SCFD2: variants seen among roughly 807,000 people sequenced by gnomAD.
SCFD2 encodes the protein sec1 family domain containing 2.
Under a neutral mutation model 58.9 loss-of-function variants are expected in SCFD2, and 54 were observed. The observed-to-expected ratio is 0.92, with a 90% CI of 0.74 to 1.15. SCFD2 has a LOEUF of 1.15. Among genes scored for constraint, SCFD2 ranks in the 50% most tolerant of loss-of-function variants. The pLI is 0.00. For missense variants in SCFD2, 805 were observed against 836.6 expected, an observed-to-expected ratio of 0.96 and a Z score of 0.47; for synonymous variants, 321 against 335.9, an observed-to-expected ratio of 0.96 and a Z score of 0.49.
intron 5 of SCFD2, among the ~76,000 whole-genome samples, chr4:53,025,246 C>T (rs1285405075): frequency 6.6e-6 from 1 of 152,116 alleles, no homozygotes; most frequent in East Asian, 1.9e-4. Flanking sequence ...CACACTTATA[C>T]AAATAAAAAT....
chr4:52,886,035 T>C (rs759116933), intron 7 of SCFD2, among the ~76,000 whole-genome samples, 169 bp from the exon 8 acceptor site: 4 of 152,130 alleles, frequency 2.6e-5, no homozygotes, highest in Non-Finnish European at 2.9e-5. Context: ...TGAAACCTGA[T>C]GACAGTTTAA....
intron 5 of SCFD2, among the ~76,000 whole-genome samples, chr4:53,006,396 A>G (rs1721971914): frequency 6.6e-6 from 1 of 152,250 alleles, no homozygotes. Context: ...GAGGTGAAGT[A>G]GATATTCGCC....
chr4:53,364,404 C>G (rs1734636206), intron 1 of SCFD2, among the ~76,000 whole-genome samples: 1 of 152,076 alleles, frequency 6.6e-6, no homozygotes, highest in Non-Finnish European at 1.5e-5. Flanking sequence ...TAAAGTTGAC[C>G]TTTGAAAATA....
At chr4:52,990,673 A>T (rs774651204) in intron 5 of SCFD2, among the ~76,000 whole-genome samples, 1 of 152,240 alleles carries the variant, frequency 6.6e-6, no homozygotes, top group Non-Finnish European at 1.5e-5. Context: ...TGTCCAGTAT[A>T]GTATTCTCTT....
intron 4 of SCFD2, among the ~76,000 whole-genome samples, chr4:53,234,069 A>C (rs1018702145): frequency 5.3e-5 from 8 of 152,232 alleles, no homozygotes; most frequent in Admixed American, 2.6e-4. Context: ...TCAGATACTC[A>C]TACCAGCCTA....
At chr4:53,096,517 T>C (rs963673027) in intron 5 of SCFD2, among the ~76,000 whole-genome samples, 6 of 152,220 alleles carry the variant, frequency 3.9e-5, no homozygotes, top group East Asian at 1.9e-4. Flanking sequence ...AAATGTCTTC[T>C]TTTGAGAAGT....
intron 5 of SCFD2, among the ~76,000 whole-genome samples, chr4:53,017,501 AG>A (rs1487788024): frequency 6.6e-6 from 1 of 152,218 alleles, no homozygotes; most frequent in Non-Finnish European, 1.5e-5. Flanking sequence ...AACATCTTAA[AG>A]TATTTGACCC....
chr4:53,241,624 A>T (rs922718917), intron 4 of SCFD2, among the ~76,000 whole-genome samples: 1 of 152,162 alleles, frequency 6.6e-6, no homozygotes, highest in Non-Finnish European at 1.5e-5. Flanking sequence ...TTGCTGGCAC[A>T]CACCCTGCAC....
rs182797973 is a variant in SCFD2 at position 53,271,660 on chromosome 4, G to A, written c.1311+2166C>T. On this transcript the variant is annotated intron_variant, in intron 4 of 8. Transcript: ENST00000401642. ...GTATTTTCAGTAGAGACAAGATTTT[G>A]CCATGTTGGCCAGGCTGGTCTCCAA... Among the ~76,000 whole-genome samples, 618 of 152,006 alleles carry A rather than the reference G, an allele frequency of 4.1e-3. 1 individual carries two copies. The highest frequency in any genetic ancestry group is 0.01 in the Admixed American group (160 of 15,258).
intron 4 of SCFD2, among the ~76,000 whole-genome samples, chr4:53,178,429 G>A (rs543377335): frequency 5.2e-4 from 79 of 152,298 alleles, no homozygotes; most frequent in Non-Finnish European, 2.5e-4. Context: ...TAGACCTGCC[G>A]CTGAGGGTCC....
chr4:53,247,942 G>A (rs1268697327), intron 4 of SCFD2, among the ~76,000 whole-genome samples: 1 of 151,446 alleles, frequency 6.6e-6, no homozygotes, highest in Non-Finnish European at 1.5e-5. Flanking sequence ...AATAGGAACA[G>A]CTCCGGTCTA....
chr4:53,100,883 T>A (rs1724813604), intron 5 of SCFD2, among the ~76,000 whole-genome samples: 1 of 152,194 alleles, frequency 6.6e-6, no homozygotes, highest in Non-Finnish European at 1.5e-5. Flanking sequence ...ATCTCATGAC[T>A]ATGCAAATAC....
At chr4:53,261,542 T>C (rs1373573123) in intron 4 of SCFD2, among the ~76,000 whole-genome samples, 1 of 152,180 alleles carries the variant, frequency 6.6e-6, no homozygotes, top group Non-Finnish European at 1.5e-5. Flanking sequence ...GAGGGTTCCT[T>C]TTGGAGTTGA....
intron 5 of SCFD2, among the ~76,000 whole-genome samples, chr4:52,942,270 C>T (rs1049198143): frequency 5.3e-5 from 8 of 152,046 alleles, no homozygotes; most frequent in African/African-American, 1.9e-4. Flanking sequence ...TAGTTTTTAG[C>T]CAAGGGACAA....
chr4:53,311,643 ATT>A (rs60003479), intron 3 of SCFD2, among the ~76,000 whole-genome samples: 3 of 150,218 alleles, frequency 2.0e-5, no homozygotes, highest in African/African-American at 7.3e-5. Flanking sequence ...TTGATTCACA[ATT>A]TTTTTTTTTT....
chr4:53,131,882 AAG>A (rs1234251612), intron 5 of SCFD2, among the ~76,000 whole-genome samples: 1 of 152,234 alleles, frequency 6.6e-6, no homozygotes, highest in Non-Finnish European at 1.5e-5. Context: ...TAGAGTTAAC[AAG>A]AGTCAGTAAT....
intron 5 of SCFD2, among the ~76,000 whole-genome samples, chr4:52,935,197 G>A (rs1720104957): frequency 6.6e-6 from 1 of 152,190 alleles, no homozygotes; most frequent in Non-Finnish European, 1.5e-5. Flanking sequence ...GCATATGGAA[G>A]GAGCTCAATA....
intron 4 of SCFD2, among the ~76,000 whole-genome samples, chr4:53,242,708 C>T (rs1354764798): frequency 6.6e-6 from 1 of 152,144 alleles, no homozygotes; most frequent in Non-Finnish European, 1.5e-5. Flanking sequence ...AATGCTGAAA[C>T]TCATCTAAGG....
chr4:53,210,544 G>A (rs1417507961), intron 4 of SCFD2, among the ~76,000 whole-genome samples: 1 of 151,994 alleles, frequency 6.6e-6, no homozygotes, highest in African/African-American at 2.4e-5. Flanking sequence ...TATTAAACCA[G>A]ACATTAAAGG....
Sources: gnomAD v4.1 joint callset for allele counts (sites outside exome capture counted in the v4.1 genomes callset) on GRCh38, gnomAD v4.1.1 for gene constraint, MANE v1.5 for transcripts, NCBI Gene and HGNC (gene_info 2026-07-23, HGNC 2026-07-21) for gene names.